Variants in ANK2 observed in about 807,000 individuals in gnomAD.
ANK2 encodes the protein ankyrin-2.
ANK2 carries 83 observed loss-of-function variants against 360.5 expected under a neutral mutation model. That is an observed-to-expected ratio of 0.23 (90% CI 0.19 to 0.28). The LOEUF (loss-of-function observed/expected upper bound fraction) is 0.28, where lower values mean the gene tolerates loss of function less well. Ranked by LOEUF, ANK2 falls within the 10% of genes least tolerant of loss-of-function variation. ANK2 has a pLI of 1.00. For synonymous variants in ANK2, 1,740 were observed against 1,759.5 expected, an observed-to-expected ratio of 0.99 and a Z score of 0.28; for missense variants, 4,201 against 4,795.7, an observed-to-expected ratio of 0.88 and a Z score of 3.66.
intron 1 of ANK2, among the ~76,000 whole-genome samples, chr4:112,847,725 AAAAT>A (rs1329089610): frequency 1.1e-4 from 16 of 152,232 alleles, no homozygotes; most frequent in Non-Finnish European, 1.3e-4. Context: ...AATATATAAA[AAAAT>A]AAATAAATGC....
chr4:112,994,459 T>G (rs1250701140), intron 2 of ANK2, among the ~76,000 whole-genome samples: 1 of 152,308 alleles, frequency 6.6e-6, no homozygotes, highest in African/African-American at 2.4e-5. Flanking sequence ...AGGTCAACAA[T>G]TCATAGGAGA....
intron 1 of ANK2, among the ~76,000 whole-genome samples, chr4:113,072,675 A>T (rs2078032267): frequency 6.6e-6 from 1 of 151,920 alleles, no homozygotes; most frequent in Non-Finnish European, 1.5e-5. Context: ...ACTCAGCCAA[A>T]ATGTGAGTGT....
intron 2 of ANK2, among the ~76,000 whole-genome samples, chr4:113,037,271 A>G (rs1246710686): frequency 6.6e-6 from 1 of 151,980 alleles, no homozygotes; most frequent in Non-Finnish European, 1.5e-5. Context: ...AAATCAATGG[A>G]CATAACTAAA....
At chr4:113,133,322 G>A (rs17045656) in intron 1 of ANK2, among the ~76,000 whole-genome samples, 30,586 of 151,976 alleles carry the variant, frequency 0.2, 3,449 homozygotes, top group African/African-American at 0.3. Flanking sequence ...AGAGAAGAAT[G>A]AGAGCATGTA....
chr4:113,375,248 G>A (rs1029114627), intron 45 of ANK2, among the ~76,000 whole-genome samples: 1 of 152,178 alleles, frequency 6.6e-6, no homozygotes, highest in Non-Finnish European at 1.5e-5. Flanking sequence ...AAAAGTCACA[G>A]AAGTGTCTTG....
chr4:113,354,220 C>T lies in ANK2; in HGVS notation c.5602C>T (p.Pro1868Ser), dbSNP rs930893597. Residue 1868 changes from proline to serine, a missense_variant, in exon 38 of 46, where the codon CCT becomes TCT. By Grantham distance (74) the Pro-to-Ser change is moderately conservative (BLOSUM62 -1). Coordinates refer to ENST00000357077, the MANE Select transcript of ANK2 (RefSeq NM_001148.6). Reference protein sequence around the residue: ...SPSAKTERHSPASSSSKTEKH... With the variant: ...SPSAKTERHSSASSSSKTEKH... ...CTCTGCAAAAACGGAAAGACATTCA[C>T]CTGCGTCATCATCGAGTAAAACTGA... 2 of 1,614,064 alleles carry T rather than the reference C, an allele frequency of 1.2e-6. No individual in the cohort carries two copies. Among genetic ancestry groups the T allele is most frequent in the Admixed American group, 3.3e-5 (2 of 60,016 alleles).
intron 15 of ANK2, among the ~76,000 whole-genome samples, chr4:113,277,127 G>A (rs1199271636): frequency 2.0e-5 from 3 of 152,194 alleles, no homozygotes; most frequent in Non-Finnish European, 4.4e-5. Context: ...ATGTGTAGGA[G>A]AGCAGCCCTC....
chr4:113,365,481 T>C (rs1444617123), intron 41 of ANK2, among the ~76,000 whole-genome samples: 1 of 152,142 alleles, frequency 6.6e-6, no homozygotes. Context: ...TTTTTTATGC[T>C]ACCTTAGCCA....
At chr4:112,948,093 A>C (rs1165510987) in intron 2 of ANK2, among the ~76,000 whole-genome samples, 1 of 152,212 alleles carries the variant, frequency 6.6e-6, no homozygotes, top group African/African-American at 2.4e-5. Context: ...TTTTCTGTTC[A>C]AATTAGAAAT....
chr4:113,332,806 A>C (rs564242028), intron 28 of ANK2, among the ~76,000 whole-genome samples: 4 of 152,344 alleles, frequency 2.6e-5, no homozygotes, highest in African/African-American at 9.6e-5. Flanking sequence ...AAGTTCCAGA[A>C]TGTCACATGC....
In ANK2 at chr4:113,147,565, G is replaced by C. The variant is rs906171905; in HGVS notation, c.85-26851G>C. Among the ~76,000 whole-genome samples, 14 of 152,284 alleles carry C rather than the reference G, an allele frequency of 9.2e-5. 1 individual carries two copies. The East Asian group carries it at 2.7e-3, about 29-fold the overall frequency. Reference sequence around the variant, plus strand: ...GTGTGGTAGAGGTGGAAGTGGACCTGTTTTCTACCTTCAGAAATGATATTC... The same window carrying C: ...GTGTGGTAGAGGTGGAAGTGGACCTCTTTTCTACCTTCAGAAATGATATTC... On this transcript the variant is annotated intron_variant, in intron 1 of 45. Coordinates refer to ENST00000357077, the MANE Select transcript of ANK2 (RefSeq NM_001148.6).
intron 2 of ANK2, among the ~76,000 whole-genome samples, chr4:112,924,140 C>T (rs951160168): frequency 1.3e-5 from 2 of 151,930 alleles, no homozygotes; most frequent in Non-Finnish European, 2.9e-5. Flanking sequence ...GAGGCCGAGG[C>T]GTGGGGATCA....
At chr4:113,031,487 A>T (rs2060390267) in intron 2 of ANK2, 1 of 152,018 alleles carries the variant, frequency 6.6e-6, no homozygotes, top group Non-Finnish European at 1.5e-5. Context: ...TTCCTAAGGG[A>T]TAGAGGCACT....
the ANK2 span, among the ~76,000 whole-genome samples, chr4:112,778,742 G>A: frequency 1.3e-5 from 2 of 152,206 alleles, no homozygotes; most frequent in African/African-American, 2.4e-5. Flanking sequence ...TCGTGTTTGT[G>A]TTTAGGGGAA....
At chr4:113,379,489 G>A (rs1433994489) in intron 45 of ANK2, among the ~76,000 whole-genome samples, 1 of 152,084 alleles carries the variant, frequency 6.6e-6, no homozygotes, top group Non-Finnish European at 1.5e-5. Context: ...GCCTACATTT[G>A]CCTACACAGA....
At chr4:113,209,830 T>C (rs2099000246) in intron 4 of ANK2, among the ~76,000 whole-genome samples, 2 of 150,416 alleles carry the variant, frequency 1.3e-5, no homozygotes, top group Non-Finnish European at 2.9e-5. Context: ...AGAAGCTTTG[T>C]TTAAAAATGT....
At chr4:113,212,956 A>G (rs1189144351) in intron 4 of ANK2, among the ~76,000 whole-genome samples, 1 of 152,226 alleles carries the variant, frequency 6.6e-6, no homozygotes, top group African/African-American at 2.4e-5. Flanking sequence ...CAATTTGAGT[A>G]TATGAAATTG....
chr4:112,843,174 T>C lies in ANK2; in HGVS notation c.-40+24910T>C, dbSNP rs1247616885. On this transcript the variant is annotated intron_variant, in intron 1 of 30. Coordinates refer to the ANK2 transcript ENST00000503271. ...GCAAAGTCCCGTTTGCCGTATAAAA[T>C]GACATTTAAGGGTTCCAGGGATTAG... 3.3e-5 allele frequency among the ~76,000 whole-genome samples: 5 copies of C among 152,240 alleles called. No homozygotes were observed. In the East Asian group the frequency reaches 7.7e-4, roughly 23 times the overall value.
At chr4:113,236,778 T>C (rs1486579776) in intron 5 of ANK2, among the ~76,000 whole-genome samples, 3 of 152,238 alleles carry the variant, frequency 2.0e-5, no homozygotes, top group African/African-American at 7.2e-5. Flanking sequence ...TTTCAAAATG[T>C]ATAGAATAGA....
Sources: gnomAD v4.1 joint callset for allele counts (sites outside exome capture counted in the v4.1 genomes callset) on GRCh38, gnomAD v4.1.1 for gene constraint, MANE v1.5 for transcripts, NCBI Gene and HGNC (gene_info 2026-07-23, HGNC 2026-07-21) for gene names.